The following PARVB variants were observed in gnomAD, a reference collection of about 807,000 sequenced individuals.
PARVB encodes parvin beta, also known as beta-parvin.
Under a neutral mutation model 47.0 loss-of-function variants are expected in PARVB, and 46 were observed. The ratio of observed to expected loss-of-function variants is 0.98; its 90% CI spans 0.77 to 1.25. The LOEUF (loss-of-function observed/expected upper bound fraction) is 1.25, where lower values mean the gene tolerates loss of function less well. PARVB is among the 50% of genes most tolerant of loss of function. The probability of loss-of-function intolerance (pLI) is 0.00; values close to 1 mark genes in which losing one functional copy is unlikely to be tolerated. For missense variants in PARVB, 473 were observed against 471.6 expected, an observed-to-expected ratio of 1.00 and a Z score of -0.03; for synonymous variants, 196 against 196.3, an observed-to-expected ratio of 1.00 and a Z score of 0.01.
chr22:44,116,776 A>G (rs2052914834), intron 3 of PARVB, among the ~76,000 whole-genome samples: 1 of 151,900 alleles, frequency 6.6e-6, no homozygotes, highest in Admixed American at 6.6e-5. Flanking sequence ...GGGTGGTCTG[A>G]GCTCTGGAGG....
intron 1 of PARVB, 44 bp from the exon 2 acceptor site, chr22:44,093,884 C>T (rs2052231245): frequency 1.5e-6 from 2 of 1,307,622 alleles, no homozygotes; most frequent in Admixed American, 3.8e-5. Flanking sequence ...GGCCACGGCA[C>T]TCCGTGTATA....
At chr22:44,102,530 T>C (rs1309214564) in intron 3 of PARVB, among the ~76,000 whole-genome samples, 3 of 152,116 alleles carry the variant, frequency 2.0e-5, no homozygotes, top group Non-Finnish European at 4.4e-5. Context: ...CTTGCTTCCA[T>C]GTGGAGACTC....
intron 2 of PARVB, chr22:44,010,378 G>A (rs1357466971): frequency 1.3e-5 from 2 of 152,214 alleles, no homozygotes; most frequent in East Asian, 3.9e-4. Context: ...GTTCCCTGGG[G>A]CGGCTGCACT....
In PARVB at chr22:44,172,543, C is replaced by T. The variant is rs1174251917; in HGVS notation, c.*3865C>T. The T allele has an allele frequency of 1.2e-5, 2 of 169,300 alleles. No homozygotes were observed. Among genetic ancestry groups the T allele is most frequent in the East Asian group, 1.8e-4 (1 of 5,460 alleles). 10.5% of individuals were successfully genotyped at this position (169,300 alleles called of 1,614,324 possible). ...ACCCACACCAGCTAGGGGAGCCTCC[C>T]GCAGCTTCAGTTCCCCTTTGACGCC... On this transcript the variant is annotated 3_prime_UTR_variant, in exon 13 of 13. Coordinates refer to ENST00000338758, the MANE Select transcript of PARVB (RefSeq NM_013327.5).
In PARVB at chr22:44,089,532, T is replaced by C. The variant is rs1161940894; in HGVS notation, c.113-4396T>C. 4 of 151,510 alleles carry C rather than the reference T, an allele frequency of 2.6e-5. No homozygotes were observed. The highest frequency in any genetic ancestry group is 9.7e-5 in the African/African-American group (4 of 41,164). The allele number at this position is 151,510 out of a possible 1,614,324, so 9.4% of individuals were successfully genotyped here. A position where few individuals can be genotyped will look rare whatever the true frequency, so the allele number is the denominator to read the frequency against. ...TTCACATCTTTGAAGGGTTTGTCTT[T>C]CTGGCAAGTAGACCGGTACTTTAAA... On this transcript the variant is annotated intron_variant, in intron 1 of 12. Transcript: ENST00000338758. This position sits in a 1 kb window ranked among gnomAD's most constrained non-coding sequence, Gnocchi z 4.0.
intron 3 of PARVB, chr22:44,105,269 G>C (rs190050542): frequency 3.6e-4 from 55 of 152,356 alleles, no homozygotes; most frequent in African/African-American, 1.1e-3. Flanking sequence ...GAGGGCCCCA[G>C]GTAAGCAGAG....
At chr22:44,062,636 T>C (rs1480310913) in intron 1 of PARVB, among the ~76,000 whole-genome samples, 5 of 147,392 alleles carry the variant, frequency 3.4e-5, no homozygotes, top group African/African-American at 7.6e-5. Flanking sequence ...AAACCCTGTC[T>C]GGAAAAAAAA....
rs544606824 is a variant in PARVB, at chr22:44,131,417, C to T, written c.377-70C>T. 5 of 1,548,998 alleles carry T rather than the reference C, an allele frequency of 3.2e-6. No individual in the cohort carries two copies. The East Asian group carries it at 9.0e-5, about 28-fold the overall frequency. On this transcript the variant is annotated intron_variant, in intron 4 of 12. Coordinates refer to ENST00000338758, the MANE Select transcript of PARVB (RefSeq NM_013327.5). ...TCGGCCTCTCAAACTGCTGGGATTA[C>T]AGGCATGAGCCACTGCGCCTGGCCC...
chr22:44,162,425 G>A (rs759041983), intron 11 of PARVB, among the ~76,000 whole-genome samples: 1 of 152,202 alleles, frequency 6.6e-6, no homozygotes, highest in Non-Finnish European at 1.5e-5. Flanking sequence ...GGGTTCAAGC[G>A]ATTCTCATGC....
At chr22:44,127,384 C>T (rs133913) in intron 4 of PARVB, among the ~76,000 whole-genome samples, 152,364 of 152,364 alleles carry the variant, frequency 1, 76,182 homozygotes, top group Non-Finnish European at 1. Context: ...GATGTGAGAT[C>T]CTCTTGATGT....
chr22:44,064,101 C>T (rs2051472604), intron 1 of PARVB, among the ~76,000 whole-genome samples: 2 of 152,120 alleles, frequency 1.3e-5, no homozygotes, highest in African/African-American at 4.8e-5. Flanking sequence ...GGTGCTGGGG[C>T]CTGGGGAGTG....
intron 4 of PARVB, among the ~76,000 whole-genome samples, chr22:44,123,398 T>G (rs574467078): frequency 6.6e-6 from 1 of 151,584 alleles, no homozygotes; most frequent in East Asian, 1.9e-4. Flanking sequence ...AGGAAGGGAG[T>G]GAACCTGTGG....
intron 1 of PARVB, among the ~76,000 whole-genome samples, chr22:44,052,197 G>T (rs1231109280): frequency 6.6e-6 from 1 of 152,212 alleles, no homozygotes; most frequent in East Asian, 1.9e-4. Context: ...TGCCAGTAAG[G>T]GTTGTGAGTG....
At chr22:44,003,240 G>T (rs868410109) in intron 2 of PARVB, among the ~76,000 whole-genome samples, 1 of 152,210 alleles carries the variant, frequency 6.6e-6, no homozygotes, top group Non-Finnish European at 1.5e-5. Context: ...CCTGTATTGA[G>T]TCAGAGACCC....
Position 44,147,896 on chromosome 22 carries a change from C to A in PARVB, c.748C>A (p.Pro250Thr). Residue 250 changes from proline to threonine, a missense_variant, in exon 9 of 13, where the codon CCG (proline) becomes ACG (threonine). Transcript: ENST00000338758. The stretch of plus-strand genomic sequence containing the variant: ...CTTCGACACGCTGTTCGACCACGCC[C>A]CGGATAAGCTCAGCGTGGTGAAGAA... ...DAFDTLFDHA[P>T]DKLSVVKKSL... 6.2e-7 allele frequency: 1 copy of A among 1,614,042 alleles called. No individual in the cohort carries two copies. Among genetic ancestry groups the A allele is most frequent in the East Asian group, 2.2e-5 (1 of 44,858 alleles).
At chr22:44,142,657 T>TC (rs982382131) in intron 8 of PARVB, 4 of 151,982 alleles carry the variant, frequency 2.6e-5, no homozygotes, top group African/African-American at 9.7e-5. Context: ...GGGCAGTGGC[T>TC]CCCTAGGTAA....
At chr22:44,062,957 G>C (rs9614323) in intron 1 of PARVB, among the ~76,000 whole-genome samples, 1 of 152,154 alleles carries the variant, frequency 6.6e-6, no homozygotes, top group Admixed American at 6.5e-5. Flanking sequence ...GGGTTGGGGG[G>C]TGTGGAGCTG....
chr22:44,066,477 A>T (rs2051525232), intron 1 of PARVB, among the ~76,000 whole-genome samples: 1 of 152,154 alleles, frequency 6.6e-6, no homozygotes, highest in South Asian at 2.1e-4. Context: ...TCATCCCCAT[A>T]CCTTGTATTT....
chr22:44,151,240 G>A (rs920981315), intron 9 of PARVB: 7 of 464,130 alleles, frequency 1.5e-5, no homozygotes, highest in African/African-American at 7.9e-5. Context: ...GCACGGATTG[G>A]CATATGTGTG....
Sources: gnomAD v4.1 joint callset for allele counts (sites outside exome capture counted in the v4.1 genomes callset) on GRCh38, gnomAD v4.1.1 for gene constraint, Gnocchi (gnomAD v3.1) non-coding constraint, MANE v1.5 for transcripts, NCBI Gene and HGNC (gene_info 2026-07-23, HGNC 2026-07-21) for gene names.